The following GPC5 variants were observed in gnomAD, a reference collection of about 807,000 sequenced individuals.
GPC5 encodes the protein glypican-5.
A neutral mutation model predicts 53.9 loss-of-function variants in GPC5; 47 were observed. The observed-to-expected ratio is 0.87, with a 90% confidence interval of 0.69 to 1.11. The LOEUF (loss-of-function observed/expected upper bound fraction) is 1.11, where lower values mean the gene tolerates loss of function less well. Among genes scored for constraint, GPC5 ranks in the 50% most tolerant of loss-of-function variants. The pLI is 0.00. For missense variants in GPC5, 748 were observed against 713.1 expected (o/e 1.05, Z -0.56); for synonymous variants, 286 against 263.3 (o/e 1.09, Z -0.84).
rs903370445 is a variant in GPC5, at chr13:92,365,921, T to G, written c.1561+220932T>G. On this transcript the variant is annotated intron_variant, in intron 7 of 7. Coordinates refer to ENST00000377067, the MANE Select transcript of GPC5 (RefSeq NM_004466.6). ...TAAAAAAAAAGAAAAAAGCATGCAC[T>G]CAAAAATAACCATAAGCAGCACAGT... Among the ~76,000 whole-genome samples, 12 of 151,530 alleles carry G rather than the reference T, an allele frequency of 7.9e-5. 1 individual carries two copies. Among genetic ancestry groups the G allele is most frequent in the African/African-American group, 2.9e-4 (12 of 40,880 alleles).
chr13:92,221,416 T>G (rs2042447578), intron 7 of GPC5, among the ~76,000 whole-genome samples: 1 of 152,104 alleles, frequency 6.6e-6, no homozygotes, highest in Non-Finnish European at 1.5e-5. Flanking sequence ...GCAATCATAG[T>G]GTTGTTAAAT....
chr13:92,301,514 C>T (rs1488355391), intron 7 of GPC5, among the ~76,000 whole-genome samples: 1 of 152,092 alleles, frequency 6.6e-6, no homozygotes, highest in Non-Finnish European at 1.5e-5. Flanking sequence ...GTACTTTTTG[C>T]TTAACCTGTC....
intron 7 of GPC5, among the ~76,000 whole-genome samples, chr13:92,411,826 T>C (rs1876054865): frequency 6.6e-6 from 1 of 152,186 alleles, no homozygotes; most frequent in South Asian, 2.1e-4. Context: ...AAAATAGAGC[T>C]TGTATATATG....
At chr13:92,097,545 G>A (rs190771511) in intron 6 of GPC5, among the ~76,000 whole-genome samples, 128 of 152,300 alleles carry the variant, frequency 8.4e-4, no homozygotes, top group African/African-American at 3.0e-3. Context: ...ACTCATAGAC[G>A]TCTTACATCA....
chr13:92,189,534 T>A (rs2042208399), intron 7 of GPC5, among the ~76,000 whole-genome samples: 1 of 152,126 alleles, frequency 6.6e-6, no homozygotes, highest in African/African-American at 2.4e-5. Flanking sequence ...ACTACATTAC[T>A]GAAGGCCTGT....
At chr13:92,616,576 CTATAA>C (rs987222933) in intron 7 of GPC5, among the ~76,000 whole-genome samples, 2 of 152,162 alleles carry the variant, frequency 1.3e-5, no homozygotes, top group Non-Finnish European at 2.9e-5. Context: ...TCCTATTTTA[CTATAA>C]TATATTTTAG....
At chr13:92,203,243 T>C (rs1254368535) in intron 7 of GPC5, among the ~76,000 whole-genome samples, 1 of 151,220 alleles carries the variant, frequency 6.6e-6, no homozygotes, top group African/African-American at 2.4e-5. Flanking sequence ...AACCCAAATG[T>C]CCAACAATGA....
chr13:92,701,476 G>T (rs1298762793), intron 7 of GPC5: 2 of 151,994 alleles, frequency 1.3e-5, no homozygotes, highest in African/African-American at 4.8e-5. Context: ...CAATTTTCAG[G>T]GATTTTTCAG....
At chr13:92,214,020 G>C (rs1456557948) in intron 7 of GPC5, among the ~76,000 whole-genome samples, 1 of 152,142 alleles carries the variant, frequency 6.6e-6, no homozygotes, top group Non-Finnish European at 1.5e-5. Flanking sequence ...CAAGAGCCTA[G>C]AGTATGTTCT....
chr13:91,917,110 G>A (rs1214587855), intron 6 of GPC5, among the ~76,000 whole-genome samples: 3 of 152,058 alleles, frequency 2.0e-5, no homozygotes, highest in Admixed American at 6.5e-5. Context: ...TCCCTTCCAC[G>A]TATGAGCCTG....
chr13:91,591,380 G>T (rs2032793018), intron 2 of GPC5, among the ~76,000 whole-genome samples: 1 of 152,066 alleles, frequency 6.6e-6, no homozygotes, highest in Non-Finnish European at 1.5e-5. Flanking sequence ...TTTTTCTTTT[G>T]TGTTGACCTT....
At chr13:92,165,855 A>AATATTGCC (rs71272295) in intron 7 of GPC5, among the ~76,000 whole-genome samples, 1 of 152,212 alleles carries the variant, frequency 6.6e-6, no homozygotes, top group Non-Finnish European at 1.5e-5. Context: ...TATGATAGGT[A>AATATTGCC]ATATTGCCAA....
chr13:92,322,720 T>C (rs963442159), intron 7 of GPC5, among the ~76,000 whole-genome samples: 1 of 152,190 alleles, frequency 6.6e-6, no homozygotes, highest in Non-Finnish European at 1.5e-5. Flanking sequence ...GTGCCTTTCA[T>C]TGTTGAAGAA....
At chr13:92,477,383 A>T (rs1176727646) in intron 7 of GPC5, among the ~76,000 whole-genome samples, 1 of 152,144 alleles carries the variant, frequency 6.6e-6, no homozygotes, top group Non-Finnish European at 1.5e-5. Flanking sequence ...CCAGTATCTG[A>T]TAGTGGGTGT....
intron 7 of GPC5, among the ~76,000 whole-genome samples, chr13:92,168,671 G>A (rs9560957): frequency 0.08 from 12,097 of 152,104 alleles, 907 homozygotes; most frequent in East Asian, 0.43. Flanking sequence ...TTATTAAAAA[G>A]TCAAGAAACA....
chr13:92,247,818 A>AGCCTG (rs2042663789), intron 7 of GPC5, among the ~76,000 whole-genome samples: 1 of 152,150 alleles, frequency 6.6e-6, no homozygotes, highest in Admixed American at 6.6e-5. Context: ...GTCTATAAAC[A>AGCCTG]GCCTGGTTTC....
At chr13:92,631,305 A>C (rs527921454) in intron 7 of GPC5, among the ~76,000 whole-genome samples, 2 of 152,250 alleles carry the variant, frequency 1.3e-5, no homozygotes, top group Admixed American at 1.3e-4. Context: ...GCAATATCAT[A>C]TTACTTCCCA....
chr13:92,025,639 G>A lies in GPC5; in HGVS notation c.1401+117582G>A, dbSNP rs1010391258. ...CAACTGTGTCAGCACTTGCCAGTGC[G>A]TGTACAGAAAGAGGGATTTTGTACC... On this transcript the variant is annotated intron_variant, in intron 6 of 7. Transcript: ENST00000377067. Among the ~76,000 whole-genome samples the A allele has an allele frequency of 4.6e-5, 7 of 152,298 alleles. 1 individual carries two copies. In the Middle Eastern group the frequency reaches 0.01, roughly 222 times the overall value.
chr13:92,085,934 G>A (rs534853914), intron 6 of GPC5, among the ~76,000 whole-genome samples: 7 of 152,314 alleles, frequency 4.6e-5, no homozygotes, highest in African/African-American at 1.4e-4. Context: ...CACTCACCCC[G>A]TGCTTTGCAG....
Sources: gnomAD v4.1 joint callset for allele counts (sites outside exome capture counted in the v4.1 genomes callset) on GRCh38, gnomAD v4.1.1 for gene constraint, MANE v1.5 for transcripts, NCBI Gene and HGNC (gene_info 2026-07-23, HGNC 2026-07-21) for gene names.